Variants in TIAM1 observed in about 807,000 individuals in gnomAD.
The protein encoded by TIAM1 is TIAM Rac1 associated GEF 1.
A neutral mutation model predicts 163.5 loss-of-function variants in TIAM1; 65 were observed. The ratio of observed to expected loss-of-function variants is 0.40; its 90% confidence interval spans 0.33 to 0.49. The LOEUF (loss-of-function observed/expected upper bound fraction) is 0.49. Ranked by LOEUF, TIAM1 falls within the 20% of genes least tolerant of loss-of-function variation. The pLI, the probability that TIAM1 is intolerant of heterozygous loss-of-function variation, is 0.77. For synonymous variants in TIAM1, 833 were observed against 810.1 expected, an observed-to-expected ratio of 1.03 and a Z score of -0.48; for missense variants, 1,789 against 2,044.7, an observed-to-expected ratio of 0.87 and a Z score of 2.41.
At chr21:31,345,749 G>A (rs916774868), upstream of TIAM1, among the ~76,000 whole-genome samples, 3 of 152,102 alleles carry the variant, frequency 2.0e-5, no homozygotes, top group Non-Finnish European at 4.4e-5. Context: ...TCAGAAGTTT[G>A]AGACCAGGCT....
At chr21:31,253,047 C>T (rs1426092494) in intron 4 of TIAM1, among the ~76,000 whole-genome samples, 1 of 152,248 alleles carries the variant, frequency 6.6e-6, no homozygotes, top group African/African-American at 2.4e-5. Context: ...TGCTCTGAAG[C>T]TGAACATTTC....
At chr21:31,289,946 G>A (rs898318761) in intron 2 of TIAM1, among the ~76,000 whole-genome samples, 6 of 152,050 alleles carry the variant, frequency 3.9e-5, no homozygotes, top group Non-Finnish European at 5.9e-5. Flanking sequence ...TGCCCTCTAC[G>A]AATCAATGAG....
intron 2 of TIAM1, among the ~76,000 whole-genome samples, chr21:31,379,732 T>A (rs576567117): frequency 5.1e-4 from 78 of 152,120 alleles, no homozygotes; most frequent in African/African-American, 1.8e-3. Context: ...ACAACAAAGA[T>A]CAACCTCAAA....
chr21:31,342,462 A>G (rs1369371202), intron 1 of TIAM1, among the ~76,000 whole-genome samples: 1 of 152,204 alleles, frequency 6.6e-6, no homozygotes, highest in Non-Finnish European at 1.5e-5. Context: ...TCATGATGGT[A>G]TCTTCCAACA....
intron 7 of TIAM1, among the ~76,000 whole-genome samples, chr21:31,224,664 G>A (rs2226380): frequency 0.095 from 14,472 of 152,174 alleles, 1,161 homozygotes; most frequent in East Asian, 0.39. Flanking sequence ...AAACGTACTC[G>A]ATGTTACTGA....
chr21:31,499,037 G>T (rs553410626), intron 1 of TIAM1, among the ~76,000 whole-genome samples: 2 of 152,116 alleles, frequency 1.3e-5, no homozygotes, highest in Non-Finnish European at 2.9e-5. Flanking sequence ...GGAAAGAAAA[G>T]AGGGTCCTTT....
chr21:31,517,777 C>T (rs1258179858), intron 1 of TIAM1, among the ~76,000 whole-genome samples: 4 of 152,152 alleles, frequency 2.6e-5, no homozygotes, highest in Non-Finnish European at 5.9e-5. Flanking sequence ...CCTTCTTGTA[C>T]CAGGAGGAAG....
intron 12 of TIAM1, among the ~76,000 whole-genome samples, chr21:31,200,338 GAAA>G (rs898961651): frequency 2.2e-5 from 3 of 137,902 alleles, no homozygotes; most frequent in Non-Finnish European, 4.8e-5. Context: ...CTTCATCACA[GAAA>G]AAAAAAAAAG....
At chr21:31,529,238 TCAAA>T (rs970205973) in intron 1 of TIAM1, among the ~76,000 whole-genome samples, 1 of 151,930 alleles carries the variant, frequency 6.6e-6, no homozygotes, top group African/African-American at 2.4e-5. Flanking sequence ...TTTTATTCTT[TCAAA>T]CAGATACTTG....
intron 2 of TIAM1, among the ~76,000 whole-genome samples, chr21:31,354,845 C>T (rs1172655389): frequency 1.3e-5 from 2 of 152,158 alleles, no homozygotes; most frequent in Non-Finnish European, 2.9e-5. Flanking sequence ...GGGACCACAA[C>T]GCTGACAACC....
At chr21:31,270,858 T>C (rs8131848) in intron 3 of TIAM1, among the ~76,000 whole-genome samples, 8,225 of 152,270 alleles carry the variant, frequency 0.054, 520 homozygotes, top group African/African-American at 0.16. Context: ...CTGGCTTCCT[T>C]AGCCTGCCTC....
At chr21:31,308,317 G>A (rs781075581) in intron 2 of TIAM1, among the ~76,000 whole-genome samples, 2 of 152,008 alleles carry the variant, frequency 1.3e-5, no homozygotes, top group Admixed American at 1.3e-4. Context: ...GGTAACCTCC[G>A]TCTCATTTCC....
intron 6 of TIAM1, among the ~76,000 whole-genome samples, chr21:31,232,585 C>T (rs554589189): frequency 6.6e-5 from 10 of 152,288 alleles, no homozygotes; most frequent in African/African-American, 1.9e-4. Context: ...ACCTCAACTG[C>T]TCACAGTGGA....
chr21:31,253,219 T>C (rs2071912586), intron 4 of TIAM1, among the ~76,000 whole-genome samples: 1 of 152,236 alleles, frequency 6.6e-6, no homozygotes, highest in Admixed American at 6.5e-5. Context: ...AGGAGCCTAA[T>C]TGTTCTCCAA....
At chr21:31,433,421 T>C (rs2044108629) in intron 2 of TIAM1, among the ~76,000 whole-genome samples, 1 of 152,234 alleles carries the variant, frequency 6.6e-6, no homozygotes, top group South Asian at 2.1e-4. Context: ...ATACATCAGT[T>C]ATGCCATTTG....
At chr21:31,364,705 A>G (rs2076470232) in intron 2 of TIAM1, among the ~76,000 whole-genome samples, 1 of 152,116 alleles carries the variant, frequency 6.6e-6, no homozygotes, top group Admixed American at 6.5e-5. Context: ...GGATGGCTGC[A>G]TGGATTGATT....
Position 31,252,087 on chromosome 21 carries a change from T to C in TIAM1, c.1066A>G (p.Ser356Gly). ...LSRRSNATNS[S>G]YSPTTGRAFV... Reference sequence around the variant, plus strand: ...GCCCGGCCTGTGGTGGGTGAGTAGCTGGAGTTGGTGGCATTAGATCGCCTG... The same window carrying C: ...GCCCGGCCTGTGGTGGGTGAGTAGCCGGAGTTGGTGGCATTAGATCGCCTG... Residue 356 changes from serine to glycine, a missense_variant, in exon 5 of 28, where the codon AGC becomes GGC. Ser to Gly is a moderately conservative substitution (Grantham distance 56). Coordinates refer to ENST00000541036, the MANE Select transcript of TIAM1 (RefSeq NM_001353694.2). 2 of 1,613,988 alleles carry C rather than the reference T, an allele frequency of 1.2e-6. No homozygotes were observed. Among genetic ancestry groups the C allele is most frequent in the Non-Finnish European group, 1.7e-6 (2 of 1,180,026 alleles).
chr21:31,222,707 ATTTTTTTTTTTTTTTT>A (rs527864043), intron 8 of TIAM1, among the ~76,000 whole-genome samples: 18 of 32,886 alleles, frequency 5.5e-4, no homozygotes, highest in African/African-American at 2.4e-3. Flanking sequence ...ATATATATAT[ATTTTTTTTTTTTTTTT>A]TTTTTTTTTT....
At chr21:31,512,617 C>CTTTTTTT (rs35338359) in intron 1 of TIAM1, among the ~76,000 whole-genome samples, 8 of 121,756 alleles carry the variant, frequency 6.6e-5, no homozygotes, top group African/African-American at 1.9e-4. Flanking sequence ...TTTTTCTTTT[C>CTTTTTTT]TTTTTTTTTT....
Sources: allele counts gnomAD v4.1 joint callset (sites outside exome capture counted in the v4.1 genomes callset), GRCh38; gene constraint gnomAD v4.1.1; transcripts MANE v1.5; gene names NCBI Gene and HGNC (gene_info 2026-07-23, HGNC 2026-07-21).